DGKH: variants seen among roughly 807,000 people sequenced by gnomAD.
DGKH encodes DAG kinase eta.
DGKH carries 90 observed loss-of-function variants against 159.3 expected under a neutral mutation model. That is an observed-to-expected ratio of 0.57 (90% CI 0.48 to 0.67). DGKH has a LOEUF of 0.67. Among genes scored for constraint, DGKH ranks in the 30% least tolerant of loss-of-function variants. DGKH has a pLI of 0.00. For missense variants in DGKH, 1,181 were observed against 1,506.1 expected (o/e 0.78, Z 3.57); for synonymous variants, 536 against 553.8 (o/e 0.97, Z 0.45).
chr13:42,111,488 G>A (rs764294308), intron 1 of DGKH, among the ~76,000 whole-genome samples: 17 of 152,164 alleles, frequency 1.1e-4, no homozygotes, highest in Non-Finnish European at 1.6e-4. Flanking sequence ...GTTGAGGTGC[G>A]AGAATCGCTT....
At chr13:42,180,944 C>G (rs994457875) in intron 13 of DGKH, among the ~76,000 whole-genome samples, 1 of 152,112 alleles carries the variant, frequency 6.6e-6, no homozygotes, top group Non-Finnish European at 1.5e-5. Context: ...TACCCAGTCC[C>G]AAATTCTATA....
intron 3 of DGKH, among the ~76,000 whole-genome samples, chr13:42,152,742 G>T (rs79770630): frequency 0.035 from 5,388 of 151,918 alleles, 179 homozygotes; most frequent in South Asian, 0.096. Flanking sequence ...TTAGAACCAT[G>T]ATTCTGAAAT....
intron 12 of DGKH, among the ~76,000 whole-genome samples, chr13:42,174,728 G>A (rs970731352): frequency 6.6e-6 from 1 of 152,106 alleles, no homozygotes. Context: ...TTGAGACAGG[G>A]TCTTGCTCTG....
intron 13 of DGKH, among the ~76,000 whole-genome samples, chr13:42,179,494 C>T (rs1956692959): frequency 6.6e-6 from 1 of 152,010 alleles, no homozygotes; most frequent in Non-Finnish European, 1.5e-5. Context: ...GTATTTGAAC[C>T]AGGTACCGTG....
rs1958436688 is a variant in DGKH, at chr13:42,237,353, G to GT, written c.*8169dup. ...TTTACTATAATTTTAAAGGCAAAGAGTTTTATATTAATTTTACTGTTGCAC... is the reference window on the plus strand; with the variant it reads ...TTTACTATAATTTTAAAGGCAAAGAGTTTTTATATTAATTTTACTGTTGCAC... On this transcript the variant is annotated 3_prime_UTR_variant, in exon 30 of 30. Transcript: ENST00000337343. The GT allele has an allele frequency of 6.6e-6, 1 of 152,086 alleles. No individual in the cohort carries two copies. The highest frequency in any genetic ancestry group is 6.6e-5 in the Admixed American group (1 of 15,266). The allele number at this position is 152,086 out of a possible 1,614,324, so 9.4% of individuals were successfully genotyped here. A position where few individuals can be genotyped will look rare whatever the true frequency, so the allele number is the denominator to read the frequency against.
chr13:42,049,024 G>A, intron 1 of DGKH, 59 bp downstream of exon 1: 1 of 1,244,390 alleles, frequency 8.0e-7, no homozygotes, highest in Non-Finnish European at 1.0e-6. Flanking sequence ...GAGAGGGCGC[G>A]GGGGCGCTGG....
chr13:42,187,305 T>C (rs1956955300), intron 14 of DGKH, among the ~76,000 whole-genome samples, 157 bp downstream of exon 14: 1 of 152,184 alleles, frequency 6.6e-6, no homozygotes, highest in Non-Finnish European at 1.5e-5. Flanking sequence ...TTAAAAAATA[T>C]TCTATTTTAT....
chr13:42,201,983 T>C (rs1398014471), intron 20 of DGKH, among the ~76,000 whole-genome samples: 3 of 152,198 alleles, frequency 2.0e-5, no homozygotes, highest in Non-Finnish European at 4.4e-5. Context: ...TTGAGGGCGA[T>C]GCTAAACTTC....
chr13:42,166,940 G>A (rs892972998), intron 9 of DGKH, among the ~76,000 whole-genome samples: 20 of 152,062 alleles, frequency 1.3e-4, no homozygotes, highest in African/African-American at 4.8e-4. Context: ...TTAGCTCCAA[G>A]AAAGATCAAC....
At chr13:42,162,479 C>A (rs548873873) in intron 7 of DGKH, among the ~76,000 whole-genome samples, 32 of 152,196 alleles carry the variant, frequency 2.1e-4, no homozygotes, top group African/African-American at 6.7e-4. Context: ...CACCATTCCA[C>A]TCCAGCCTGG....
intron 11 of DGKH, among the ~76,000 whole-genome samples, chr13:42,169,356 A>G (rs1956390427): frequency 6.6e-6 from 1 of 152,318 alleles, no homozygotes; most frequent in East Asian, 1.9e-4. Context: ...GACAGCTTCA[A>G]ATGAAGGGAC....
chr13:42,134,282 A>AGG (rs962151151), intron 3 of DGKH, among the ~76,000 whole-genome samples: 1 of 152,162 alleles, frequency 6.6e-6, no homozygotes, highest in African/African-American at 2.4e-5. Context: ...CCAGGCTTCA[A>AGG]GGGGGGCCAC....
Position 42,219,474 on chromosome 13 carries a change from T to G in DGKH, c.3333+125T>G, listed in dbSNP as rs77474816. 2,271 of 1,420,556 alleles carry G rather than the reference T, an allele frequency of 1.6e-3. 5 individuals carry two copies. Among genetic ancestry groups the G allele is most frequent in the Middle Eastern group, 2.9e-3 (12 of 4,170 alleles). 88.0% of individuals were successfully genotyped at this position (1,420,556 alleles called of 1,614,324 possible). A position where few individuals can be genotyped will look rare whatever the true frequency, so the allele number is the denominator to read the frequency against. On this transcript the variant is annotated intron_variant, in intron 27 of 29. Coordinates refer to ENST00000337343, the MANE Select transcript of DGKH (RefSeq NM_178009.5). Reference sequence around the variant, plus strand: ...TGAATACTACTTTCAAATGTTCTGTTCTTGAACAAATGAGAAAAGGCATTT... The same window carrying G: ...TGAATACTACTTTCAAATGTTCTGTGCTTGAACAAATGAGAAAAGGCATTT...
rs114538459 is a variant in DGKH, at chr13:42,213,261, G to T, written c.3015-1246G>T. Reference sequence around the variant, plus strand: ...AGTTTAGGATTTAAAATTGGTAAATGGGTATGAATTAGGAAACAGGTTGAC... The same window carrying T: ...AGTTTAGGATTTAAAATTGGTAAATTGGTATGAATTAGGAAACAGGTTGAC... On this transcript the variant is annotated intron_variant, in intron 24 of 29. Coordinates refer to ENST00000337343, the MANE Select transcript of DGKH (RefSeq NM_178009.5). Among the ~76,000 whole-genome samples the T allele has an allele frequency of 1.7e-3, 261 of 152,280 alleles. 2 individuals carry two copies. The highest frequency in any genetic ancestry group is 6.2e-3 in the African/African-American group (258 of 41,550).
At chr13:42,226,366 A>G (rs1462977434) in intron 29 of DGKH, among the ~76,000 whole-genome samples, 1 of 152,214 alleles carries the variant, frequency 6.6e-6, no homozygotes, top group Non-Finnish European at 1.5e-5. Context: ...AATTAGTTCA[A>G]TCATTGTGGA....
downstream of DGKH, among the ~76,000 whole-genome samples, chr13:42,246,930 A>G (rs547703976): frequency 2.6e-5 from 4 of 152,304 alleles, no homozygotes; most frequent in East Asian, 7.7e-4. Context: ...ACATGCAGTC[A>G]TGTGCTTTAT....
chr13:42,099,719 A>C (rs1046111375), intron 1 of DGKH, among the ~76,000 whole-genome samples: 1 of 152,240 alleles, frequency 6.6e-6, no homozygotes, highest in African/African-American at 2.4e-5. Context: ...CATGAAAAGC[A>C]TAAGTATGAT....
Position 42,155,734 on chromosome 13 carries a change from C to G in DGKH, c.557C>G (p.Pro186Arg). Residue 186 changes from proline to arginine, a missense_variant, in exon 5 of 30, where the codon CCC becomes CGC. Physicochemically the swap from Pro to Arg is moderately radical, Grantham distance 103 (BLOSUM62 -2). This residue lies in a region of DGKH where 369 missense variants were observed against 519.4 expected (regional missense o/e 0.71). Transcript: ENST00000337343. ...HNWYACSHAR[P>R]TFCNVCRESL... Reference sequence around the variant, plus strand: ...TGGTACGCCTGCTCCCACGCCCGACCCACCTTCTGTAACGTGTGCAGAGAG... The same window carrying G: ...TGGTACGCCTGCTCCCACGCCCGACGCACCTTCTGTAACGTGTGCAGAGAG... The G allele has an allele frequency of 6.2e-7, 1 of 1,614,134 alleles. No homozygotes were observed.
chr13:42,182,652 G>A (rs1202093190), intron 13 of DGKH, among the ~76,000 whole-genome samples: 1 of 152,092 alleles, frequency 6.6e-6, no homozygotes, highest in Non-Finnish European at 1.5e-5. Context: ...AAAACAATCT[G>A]TTTTCTTTTT....
Sources: gnomAD v4.1 joint callset for allele counts (sites outside exome capture counted in the v4.1 genomes callset) on GRCh38, gnomAD v4.1.1 for gene constraint, gnomAD v4.1.1 regional missense constraint, MANE v1.5 for transcripts, NCBI Gene and HGNC (gene_info 2026-07-23, HGNC 2026-07-21) for gene names.